RAPGEF6: variants seen among roughly 807,000 people sequenced by gnomAD.
RAPGEF6 encodes the protein Rap guanine nucleotide exchange factor 6.
In RAPGEF6, 56 loss-of-function variants were observed where a neutral mutation model predicts 171.4. The observed-to-expected ratio is 0.33, with a 90% CI of 0.26 to 0.41. RAPGEF6 has a LOEUF of 0.41. RAPGEF6 is among the 10% of genes least tolerant of loss of function. RAPGEF6 has a pLI of 1.00. For missense variants in RAPGEF6, 1,674 were observed against 1,921.4 expected (o/e 0.87, Z 2.41); for synonymous variants, 692 against 650.1 (o/e 1.06, Z -0.98).
At position 131,548,073 on chromosome 5, in the gene RAPGEF6, C is replaced by A. The variant is rs2149949322; in HGVS notation, c.469G>T (p.Asp157Tyr). 6.2e-7 allele frequency: 1 copy of A among 1,613,930 alleles called. No individual in the cohort carries two copies. Among genetic ancestry groups the A allele is most frequent in the Non-Finnish European group, 8.5e-7 (1 of 1,179,954 alleles). ...GAAAGATAGCTGTTAACCTCCACATCATCAGTAATGGTTTGGCGCTCTCCT... is the reference window on the plus strand; with the variant it reads ...GAAAGATAGCTGTTAACCTCCACATAATCAGTAATGGTTTGGCGCTCTCCT... ...YKGERQTITD[D>Y]VEVNSYLSLP... The change falls in exon 6 of 28, where the codon GAT (aspartate) becomes TAT (tyrosine). Residue 157 changes from aspartate to tyrosine, a missense_variant. Coordinates refer to ENST00000509018, the MANE Select transcript of RAPGEF6 (RefSeq NM_016340.6).
chr5:131,517,525 G>A lies in RAPGEF6; in HGVS notation c.627+3865C>T, dbSNP rs148201221. On this transcript the variant is annotated intron_variant, in intron 7 of 27. Coordinates refer to ENST00000509018, the MANE Select transcript of RAPGEF6 (RefSeq NM_016340.6). ...ATCATTTCACAAGGCTTTTCTTATG[G>A]TGTTAAAGGCTAGGTGTTCACTTAA... Among the ~76,000 whole-genome samples the A allele has an allele frequency of 9.3e-3, 769 of 82,526 alleles. 11 individuals carry two copies. The highest frequency in any genetic ancestry group is 0.041 in the Middle Eastern group (6 of 146). The allele number at this position is 82,526 out of a possible 152,430, so 54.1% of individuals were successfully genotyped here.
chr5:131,521,858 C>A (rs1758504233), intron 6 of RAPGEF6, among the ~76,000 whole-genome samples: 1 of 114,464 alleles, frequency 8.7e-6, no homozygotes, highest in African/African-American at 4.2e-5. Flanking sequence ...CACACACACA[C>A]ACACACACAC....
chr5:131,622,099 T>A (rs1165893776), intron 1 of RAPGEF6, among the ~76,000 whole-genome samples: 1 of 152,180 alleles, frequency 6.6e-6, no homozygotes, highest in Non-Finnish European at 1.5e-5. Flanking sequence ...AATTATGTAT[T>A]CACCTGTGCC....
At chr5:131,555,273 CATT>C (rs893297060) in intron 5 of RAPGEF6, among the ~76,000 whole-genome samples, 12 of 152,172 alleles carry the variant, frequency 7.9e-5, no homozygotes, top group Non-Finnish European at 1.3e-4. Flanking sequence ...GGTACCTACT[CATT>C]ATCATCAAAA....
intron 7 of RAPGEF6, among the ~76,000 whole-genome samples, 189 bp from the exon 8 acceptor site, chr5:131,510,680 A>T (rs1561523555): frequency 6.6e-6 from 1 of 152,226 alleles, no homozygotes. Flanking sequence ...TTAGAGGCTC[A>T]TCTTTCCACA....
chr5:131,505,309 G>T (rs1416785939), intron 10 of RAPGEF6, 55 bp downstream of exon 10: 3 of 1,558,358 alleles, frequency 1.9e-6, no homozygotes, highest in Non-Finnish European at 2.6e-6. Context: ...GACAAAACAG[G>T]CTCAGCTACT....
At chr5:131,551,678 T>C (rs1407629575) in intron 5 of RAPGEF6, among the ~76,000 whole-genome samples, 1 of 152,168 alleles carries the variant, frequency 6.6e-6, no homozygotes, top group Non-Finnish European at 1.5e-5. Flanking sequence ...TCTTTTACTA[T>C]CTACCACTTA....
intron 1 of RAPGEF6, among the ~76,000 whole-genome samples, chr5:131,613,421 G>T (rs1462376828): frequency 6.7e-6 from 1 of 150,070 alleles, no homozygotes; most frequent in Non-Finnish European, 1.5e-5. Flanking sequence ...CTGTCTGTCT[G>T]TGTGTGACTC....
intron 4 of RAPGEF6, among the ~76,000 whole-genome samples, chr5:131,583,546 C>T (rs1167710001): frequency 6.6e-6 from 1 of 152,194 alleles, no homozygotes; most frequent in Non-Finnish European, 1.5e-5. Flanking sequence ...ACTCCTTTAA[C>T]CAATTAAGGT....
At chr5:131,532,234 C>G (rs986222791) in intron 6 of RAPGEF6, 2 of 389,436 alleles carry the variant, frequency 5.1e-6, no homozygotes, top group Non-Finnish European at 1.0e-5. Flanking sequence ...TGTTAAGTTT[C>G]TTTTTACAAA....
At chr5:131,493,620 T>C (rs1156244506) in intron 13 of RAPGEF6, among the ~76,000 whole-genome samples, 1 of 152,204 alleles carries the variant, frequency 6.6e-6, no homozygotes, top group Non-Finnish European at 1.5e-5. Flanking sequence ...CCAGTTTCAA[T>C]TATCTCAAAT....
intron 3 of RAPGEF6, among the ~76,000 whole-genome samples, chr5:131,595,573 C>A (rs1425608925): frequency 6.6e-6 from 1 of 151,646 alleles, no homozygotes; most frequent in African/African-American, 2.4e-5. Context: ...ACAGCAGATA[C>A]ACAAAGGAGA....
chr5:131,500,409 G>A (rs760662411), intron 11 of RAPGEF6, among the ~76,000 whole-genome samples: 3 of 152,112 alleles, frequency 2.0e-5, no homozygotes, highest in African/African-American at 7.2e-5. Context: ...TAGAATAGCT[G>A]AGTGAGGGAT....
At chr5:131,558,585 C>A (rs1361006620) in intron 5 of RAPGEF6, among the ~76,000 whole-genome samples, 1 of 152,130 alleles carries the variant, frequency 6.6e-6, no homozygotes, top group East Asian at 1.9e-4. Flanking sequence ...AGCCTTTGCT[C>A]TTATAGCACT....
chr5:131,587,296 A>C (rs1317386344), intron 4 of RAPGEF6, among the ~76,000 whole-genome samples: 1 of 152,196 alleles, frequency 6.6e-6, no homozygotes, highest in Non-Finnish European at 1.5e-5. Flanking sequence ...AAAAATGTTC[A>C]CAGCTGCATT....
At chr5:131,511,332 G>A (rs1757706566) in intron 7 of RAPGEF6, 1 of 151,868 alleles carries the variant, frequency 6.6e-6, no homozygotes, top group Non-Finnish European at 1.5e-5. Flanking sequence ...GGTATTAAAG[G>A]CATTATAGAA....
chr5:131,480,346 C>T (rs935797587), intron 15 of RAPGEF6, among the ~76,000 whole-genome samples: 1 of 152,056 alleles, frequency 6.6e-6, no homozygotes, highest in South Asian at 2.1e-4. Flanking sequence ...ATGCATATAC[C>T]GAGGGATAAC....
In RAPGEF6 at chr5:131,538,998, T is replaced by G. The variant is rs553659515; in HGVS notation, c.495+9049A>C. On this transcript the variant is annotated intron_variant, in intron 6 of 27. Coordinates refer to ENST00000509018, the MANE Select transcript of RAPGEF6 (RefSeq NM_016340.6). Reference sequence around the variant, plus strand: ...CAAAAACAGAAAGTCTTCTTTTGTTTTTAAGGTAGAAAGAATCACAAAGAA... The same window carrying G: ...CAAAAACAGAAAGTCTTCTTTTGTTGTTAAGGTAGAAAGAATCACAAAGAA... 4.6e-5 allele frequency among the ~76,000 whole-genome samples: 7 copies of G among 152,328 alleles called. No individual in the cohort carries two copies. In the South Asian group the frequency reaches 1.5e-3, roughly 32 times the overall value.
intron 1 of RAPGEF6, among the ~76,000 whole-genome samples, chr5:131,606,211 A>T (rs999059699): frequency 1.8e-4 from 27 of 151,826 alleles, no homozygotes; most frequent in South Asian, 1.7e-3. Flanking sequence ...AAAATAATTT[A>T]AAAAAATTAG....
Sources: allele counts gnomAD v4.1 joint callset (sites outside exome capture counted in the v4.1 genomes callset), GRCh38; gene constraint gnomAD v4.1.1; transcripts MANE v1.5; gene names NCBI Gene and HGNC (gene_info 2026-07-23, HGNC 2026-07-21).